Variants in SIDT2 observed in about 807,000 individuals in gnomAD.
SIDT2 encodes SID1 transmembrane family member 2.
SIDT2 carries 68 observed loss-of-function variants against 114.4 expected under a neutral mutation model. The ratio of observed to expected loss-of-function variants is 0.59; its 90% CI spans 0.49 to 0.73. SIDT2 has a LOEUF of 0.73. Ranked by LOEUF, SIDT2 falls within the 30% of genes least tolerant of loss-of-function variation. The probability of loss-of-function intolerance (pLI) is 0.00; values close to 1 mark genes in which losing one functional copy is unlikely to be tolerated. For missense variants in SIDT2, 918 were observed against 1,097.1 expected, an observed-to-expected ratio of 0.84 and a Z score of 2.31; for synonymous variants, 470 against 438.4, an observed-to-expected ratio of 1.07 and a Z score of -0.90.
At chr11:117,182,346 A>G (rs1281239068) in intron 4 of SIDT2, 173 bp from the exon 5 acceptor site, 2 of 708,638 alleles carry the variant, frequency 2.8e-6, no homozygotes, top group Non-Finnish European at 4.8e-6. Flanking sequence ...GTTGAAGGGA[A>G]TGGTATACAG....
In SIDT2 at chr11:117,188,986, C is replaced by G. The variant is rs367804074; in HGVS notation, c.1278+160C>G. 2 of 956,356 alleles carry G rather than the reference C, an allele frequency of 2.1e-6. No individual in the cohort carries two copies. Among genetic ancestry groups the G allele is most frequent in the Non-Finnish European group, 3.3e-6 (2 of 607,490 alleles). The allele number at this position is 956,356 out of a possible 1,614,324, so 59.2% of individuals were successfully genotyped here. On this transcript the variant is annotated intron_variant, in intron 13 of 25. Transcript: ENST00000324225. This position sits in a 1 kb window ranked among gnomAD's most constrained non-coding sequence, Gnocchi z 4.0. ...CCGGGGAAACTAACCTGACCTCCAA[C>G]CCCTTCCGGCCTGATTGGCCAAACC...
intron 1 of SIDT2, 90 bp downstream of exon 1, chr11:117,179,536 C>T: frequency 7.1e-7 from 1 of 1,399,254 alleles, no homozygotes. Context: ...TTTGGGAGGC[C>T]CCAGGAACGA....
Position 117,192,824 on chromosome 11 carries a change from G to A in SIDT2, c.2063G>A (p.Arg688His), listed in dbSNP as rs141120563. The A allele has an allele frequency of 1.2e-4, 199 of 1,613,982 alleles. No individual in the cohort carries two copies. The highest frequency in any genetic ancestry group is 1.6e-4 in the Non-Finnish European group (187 of 1,180,024). Residue 688 changes from arginine (R) to histidine (H), a missense_variant, in exon 22 of 26, where the codon CGC becomes CAC. Around this residue, in one of 4 missense-constraint regions of SIDT2, gnomAD observed 275 missense variants for 397.6 expected, o/e 0.69. Transcript: ENST00000324225. The surrounding 1 kb of genome is among the most constrained non-coding windows in gnomAD (Gnocchi z 5.9). The stretch of plus-strand genomic sequence containing the variant: ...TGTGTCCCTGCTTCCCTCCAGGACC[G>A]CATGGTGCTGCTGGTCATGGGCAAC... ...RQCSGPLYVD[R>H]MVLLVMGNVI...
In SIDT2 at chr11:117,195,835, G is replaced by T; in HGVS notation, c.2356G>T (p.Asp786Tyr). 1 of 1,614,204 alleles carries T rather than the reference G, an allele frequency of 6.2e-7. No individual in the cohort carries two copies. Among genetic ancestry groups the T allele is most frequent in the East Asian group, 2.2e-5 (1 of 44,882 alleles). Residue 786 changes from aspartate (D) to tyrosine (Y), a missense_variant, in exon 25 of 26, where the codon GAC becomes TAC. Coordinates refer to ENST00000324225, the MANE Select transcript of SIDT2 (RefSeq NM_001040455.2). ...TPAESREHNRDCILLDFFDDH... is the reference protein window; with the variant it reads ...TPAESREHNRYCILLDFFDDH... ...TGCAGAGTCGAGGGAGCACAACCGG[G>T]ACTGCATCCTCCTCGACTTCTTTGA...
At position 117,190,062 on chromosome 11, in the gene SIDT2, AG is replaced by A. The variant is rs2030643623; in HGVS notation, c.1493+40del. ...GCTGGGAGGCCCCTTGTCCAGGCCA[AG>A]GGTGAAATGGGGCAGGGCCTGGGGC... On this transcript the variant is annotated intron_variant, in intron 16 of 25. Coordinates refer to ENST00000324225, the MANE Select transcript of SIDT2 (RefSeq NM_001040455.2). This position sits in a 1 kb window ranked among gnomAD's most constrained non-coding sequence, Gnocchi z 4.1. 1 of 1,613,918 alleles carries A rather than the reference AG, an allele frequency of 6.2e-7. No individual in the cohort carries two copies. Among genetic ancestry groups the A allele is most frequent in the African/African-American group, 1.3e-5 (1 of 74,908 alleles).
intron 1 of SIDT2, 60 bp downstream of exon 1, chr11:117,179,506 T>C (rs2030178787): frequency 9.7e-6 from 15 of 1,546,224 alleles, no homozygotes; most frequent in South Asian, 5.9e-5. Flanking sequence ...GGCTAGGCGA[T>C]TCTGCCGCCC....
In SIDT2 at chr11:117,181,545, G is replaced by T; in HGVS notation, c.305+8G>T. 6.2e-7 allele frequency: 1 copy of T among 1,613,930 alleles called. No individual in the cohort carries two copies. The highest frequency in any genetic ancestry group is 8.5e-7 in the Non-Finnish European group (1 of 1,179,972). The stretch of plus-strand genomic sequence containing the variant: ...CCTAATCCTGCGAGGGATGTGAGTA[G>T]GATCTGGGCATCAGGGAAGCGGGGC... On this transcript the variant is annotated splice_region_variant and intron_variant, in intron 2 of 25. Coordinates refer to ENST00000324225, the MANE Select transcript of SIDT2 (RefSeq NM_001040455.2).
intron 8 of SIDT2, among the ~76,000 whole-genome samples, chr11:117,185,552 C>T (rs2134251760): frequency 6.6e-6 from 1 of 152,132 alleles, no homozygotes; most frequent in African/African-American, 2.4e-5. Context: ...GACACAGTCC[C>T]TGAGCTGTGG....
At chr11:117,180,621 C>T (rs755821593) in intron 1 of SIDT2, among the ~76,000 whole-genome samples, 6 of 150,626 alleles carry the variant, frequency 4.0e-5, no homozygotes, top group Non-Finnish European at 7.4e-5. Flanking sequence ...CTGCAACCTC[C>T]GCCTTCCCGG....
At chr11:117,183,737 A>G in intron 6 of SIDT2, 42 bp from the exon 7 acceptor site, 3 of 1,275,712 alleles carry the variant, frequency 2.4e-6, no homozygotes, top group Non-Finnish European at 3.4e-6. Context: ...AAGAATGATG[A>G]TGATGATGAT....
chr11:117,188,452 G>A lies in SIDT2; in HGVS notation c.1160-256G>A. ...CCTGGGAAGCCCTAGCCCATGAGGG[G>A]TGCCAGGAACAGAGCAAAGCTAGAG... On this transcript the variant is annotated intron_variant, in intron 12 of 25. Coordinates refer to ENST00000324225, the MANE Select transcript of SIDT2 (RefSeq NM_001040455.2). The surrounding 1 kb of genome is among the most constrained non-coding windows in gnomAD (Gnocchi z 4.0). 3 of 529,110 alleles carry A rather than the reference G, an allele frequency of 5.7e-6. No homozygotes were observed. In the East Asian group the frequency reaches 9.3e-5, roughly 16 times the overall value. The allele number at this position is 529,110 out of a possible 1,614,324, so 32.8% of individuals were successfully genotyped here.
intron 23 of SIDT2, 112 bp downstream of exon 23, chr11:117,193,370 T>C (rs980931698): frequency 2.1e-6 from 2 of 972,508 alleles, no homozygotes; most frequent in Non-Finnish European, 3.1e-6. Flanking sequence ...TCTTTGCTGG[T>C]TGCGGAGGGG....
In SIDT2 at chr11:117,182,060, G is replaced by A. The variant is rs749273634; in HGVS notation, c.471G>A (p.Arg157=). The A allele has an allele frequency of 3.7e-6, 6 of 1,614,088 alleles. No homozygotes were observed. Among genetic ancestry groups the A allele is most frequent in the Non-Finnish European group, 5.1e-6 (6 of 1,180,030 alleles). ...RVSRMDDFVL[R]TGEQFSFNTT... The stretch of plus-strand genomic sequence containing the variant: ...GTGGGGGCTCTTCTCTGCCCTGCAG[G>A]ACTGGGGAGCAGTTCAGCTTCAATA... The change falls in exon 4 of 26, where the codon AGG becomes AGA. Residue 157 remains arginine (R), a splice_region_variant and synonymous_variant. Transcript: ENST00000324225.
Position 117,179,395 on chromosome 11 carries a change from C to T in SIDT2, c.132C>T (p.Asn44=), listed in dbSNP as rs1368973780. The change falls in exon 1 of 26, where the codon AAC becomes AAT. Residue 44 remains asparagine, a synonymous_variant. Coordinates refer to ENST00000324225, the MANE Select transcript of SIDT2 (RefSeq NM_001040455.2). Reference sequence around the variant, plus strand: ...AGCGCACCTACGTGGACGAGGTCAACAGCGAGCTGGTCAACATCTACACCT... The same window carrying T: ...AGCGCACCTACGTGGACGAGGTCAATAGCGAGCTGGTCAACATCTACACCT... ...EFERTYVDEV[N]SELVNIYTFN... is the part of the protein sequence containing the mutation. 2.5e-6 allele frequency: 4 copies of T among 1,613,776 alleles called. No homozygotes were observed. The highest frequency in any genetic ancestry group is 2.7e-5 in the African/African-American group (2 of 74,838).
chr11:117,181,308 G>A, intron 1 of SIDT2, 108 bp from the exon 2 acceptor site: 1 of 1,524,024 alleles, frequency 6.6e-7, no homozygotes, highest in Non-Finnish European at 8.9e-7. Flanking sequence ...CGACCAAGAT[G>A]GAGAAAGACC....
chr11:117,195,940 G>A (rs371150913), intron 25 of SIDT2, 25 bp downstream of exon 25: 83 of 1,614,118 alleles, frequency 5.1e-5, no homozygotes, highest in Non-Finnish European at 5.9e-5. Context: ...CGGCCGAGCC[G>A]GGTGGGTACG....
At chr11:117,187,314 C>A in intron 10 of SIDT2, 64 bp from the exon 11 acceptor site, 1 of 1,491,530 alleles carries the variant, frequency 6.7e-7, no homozygotes, top group Non-Finnish European at 9.4e-7. Flanking sequence ...TTTCTTTGTT[C>A]TTCTCCCTGG....
At position 117,193,912 on chromosome 11, in the gene SIDT2, G is replaced by A. The variant is rs369005945; in HGVS notation, c.2271G>A (p.Val757=). The A allele has an allele frequency of 5.0e-6, 8 of 1,613,990 alleles. No homozygotes were observed. In the African/African-American group the frequency reaches 1.1e-4, roughly 22 times the overall value. The change falls in exon 24 of 26, where the codon GTG becomes GTA. Residue 757 remains valine (V), a synonymous_variant. Coordinates refer to ENST00000324225, the MANE Select transcript of SIDT2 (RefSeq NM_001040455.2). ...IPLLCIVCTS[V]VWGFALFFFF... The stretch of plus-strand genomic sequence containing the variant: ...TGCTCTGCATCGTTTGCACCTCCGT[G>A]GTCTGGGGCTTCGCGCTCTTCTTCT...
At chr11:117,191,665 G>A (rs911037914) in intron 18 of SIDT2, 5 of 630,460 alleles carry the variant, frequency 7.9e-6, no homozygotes, top group South Asian at 5.7e-5. Flanking sequence ...TTCAGGAGAT[G>A]TCAGACTCTG....
Sources: allele counts gnomAD v4.1 joint callset (sites outside exome capture counted in the v4.1 genomes callset), GRCh38; gene constraint gnomAD v4.1.1; regional missense constraint gnomAD v4.1.1; non-coding constraint Gnocchi (gnomAD v3.1); transcripts MANE v1.5; gene names NCBI Gene and HGNC (gene_info 2026-07-23, HGNC 2026-07-21).